The following GNG2 variants were observed in gnomAD, a reference collection of about 807,000 sequenced individuals.
The protein encoded by GNG2 is guanine nucleotide-binding protein G(I)/G(S)/G(O) subunit gamma-2.
GNG2 carries 5 observed loss-of-function variants against 5.5 expected under a neutral mutation model. That is an observed-to-expected ratio of 0.91 (90% CI 0.48 to 1.92). The LOEUF is 1.92. Among genes scored for constraint, GNG2 ranks in the 30% most tolerant of loss-of-function variants. GNG2 has a pLI of 0.01. For synonymous variants in GNG2, 28 were observed against 32.0 expected (o/e 0.88, Z 0.42); for missense variants, 55 against 88.4 (o/e 0.62, Z 1.52).
chr14:51,928,036 T>C (rs1157655802), intron 2 of GNG2, among the ~76,000 whole-genome samples: 1 of 146,884 alleles, frequency 6.8e-6, no homozygotes, highest in Non-Finnish European at 1.5e-5. Context: ...CTTTTTTTTT[T>C]TTTTTTTTTT....
In GNG2 at chr14:51,911,787, G is replaced by T. The variant is rs1886314467; in HGVS notation, c.-30+34130G>T. ...GGTCTCCAAACTCCTAGCCTCCAGT[G>T]ATCTGCCTACTTTGGCCTCCCAAAG... On this transcript the variant is annotated intron_variant, in intron 2 of 3. Transcript: ENST00000556766. Among the ~76,000 whole-genome samples, 2 of 147,144 alleles carry T rather than the reference G, an allele frequency of 1.4e-5. 1 individual carries two copies. The highest frequency in any genetic ancestry group is 5.1e-5 in the African/African-American group (2 of 39,186).
intron 3 of GNG2, among the ~76,000 whole-genome samples, chr14:51,963,259 G>A (rs1889714986): frequency 6.6e-6 from 1 of 152,170 alleles, no homozygotes; most frequent in African/African-American, 2.4e-5. Context: ...ATAAAGATAT[G>A]AGCAGCTCTA....
rs895237959 is a variant in GNG2 at position 51,886,112 on chromosome 14, C to T, written c.-30+8455C>T. On this transcript the variant is annotated intron_variant, in intron 2 of 3. Transcript: ENST00000556766. Reference sequence around the variant, plus strand: ...ATTACAACCAAAAAATGGCTTAAAGCTTCAATCGAAGTGGAATACCATATG... The same window carrying T: ...ATTACAACCAAAAAATGGCTTAAAGTTTCAATCGAAGTGGAATACCATATG... Among the ~76,000 whole-genome samples the T allele has an allele frequency of 1.2e-4, 19 of 152,296 alleles. 1 individual carries two copies. Among genetic ancestry groups the T allele is most frequent in the African/African-American group, 4.6e-4 (19 of 41,566 alleles).
rs374037338 is a variant in GNG2 at position 51,854,985 on chromosome 14, T to A, written c.64+27178T>A. On this transcript the variant is annotated intron_variant, in intron 2 of 3. Coordinates refer to the GNG2 transcript ENST00000553432. ...AATCTCCATCTACTCTTGGCCTCCTTACCCATCCCCTTCCTCTCCTCATCA... is the reference window on the plus strand; with the variant it reads ...AATCTCCATCTACTCTTGGCCTCCTAACCCATCCCCTTCCTCTCCTCATCA... 3.5e-4 allele frequency among the ~76,000 whole-genome samples: 53 copies of A among 152,294 alleles called. 2 individuals are homozygous for A. In the South Asian group the frequency reaches 9.9e-3, roughly 29 times the overall value.
At chr14:51,880,967 G>GAAAAAA (rs11463019) in intron 2 of GNG2, among the ~76,000 whole-genome samples, 4 of 101,974 alleles carry the variant, frequency 3.9e-5, no homozygotes, top group East Asian at 3.1e-4. Flanking sequence ...CAAAAAAAAA[G>GAAAAAA]AAAAAAAAAA....
chr14:51,827,511 T>G (rs1881059752), intron 1 of GNG2, among the ~76,000 whole-genome samples: 1 of 152,218 alleles, frequency 6.6e-6, no homozygotes, highest in Non-Finnish European at 1.5e-5. Context: ...CGGTGATCCC[T>G]CTGAGAACAG....
chr14:51,890,249 C>T (rs1884762464), intron 2 of GNG2, among the ~76,000 whole-genome samples: 2 of 152,210 alleles, frequency 1.3e-5, no homozygotes, highest in African/African-American at 4.8e-5. Flanking sequence ...ATTGTAATAT[C>T]TGGAAATAGA....
intron 2 of GNG2, among the ~76,000 whole-genome samples, chr14:51,837,837 C>A (rs1016673903): frequency 6.6e-6 from 1 of 151,998 alleles, no homozygotes; most frequent in Non-Finnish European, 1.5e-5. Flanking sequence ...GTCCAGAGGG[C>A]AATAATAGTG....
chr14:51,957,843 T>G (rs567142698), intron 3 of GNG2, among the ~76,000 whole-genome samples: 22 of 152,324 alleles, frequency 1.4e-4, no homozygotes, highest in African/African-American at 4.8e-4. Context: ...TCACTCAGTT[T>G]GGGTTTTTCA....
At chr14:51,831,387 C>T (rs1387041913) in intron 2 of GNG2, among the ~76,000 whole-genome samples, 1 of 152,152 alleles carries the variant, frequency 6.6e-6, no homozygotes, top group Admixed American at 6.5e-5. Flanking sequence ...GCATAGTCCC[C>T]AGTACTTAGA....
rs1885134489 is a variant in GNG2, at chr14:51,895,508, G to A, written c.-30+17851G>A. 2.0e-5 allele frequency among the ~76,000 whole-genome samples: 3 copies of A among 152,166 alleles called. No homozygotes were observed. The South Asian group carries it at 6.2e-4, about 32-fold the overall frequency. ...TATAACATTTTCAAACTTCAGTGAG[G>A]AAGAAATCCTAAACATCTGGAAAAA... On this transcript the variant is annotated intron_variant, in intron 2 of 3. Transcript: ENST00000556766.
intron 2 of GNG2, among the ~76,000 whole-genome samples, chr14:51,930,273 TTTC>T (rs1384018147): frequency 6.6e-6 from 1 of 152,224 alleles, no homozygotes; most frequent in Non-Finnish European, 1.5e-5. Flanking sequence ...CCCATCCACA[TTTC>T]TTGGTGAGGA....
rs546234792 is a variant in GNG2 at position 51,913,532 on chromosome 14, T to C, written c.-30+35875T>C. Among the ~76,000 whole-genome samples the C allele has an allele frequency of 1.9e-4, 29 of 152,040 alleles. No homozygotes were observed. In the South Asian group the frequency reaches 4.8e-3, roughly 25 times the overall value. On this transcript the variant is annotated intron_variant, in intron 2 of 3. Transcript: ENST00000556766. ...CTGTCTCTAAAAATAAACAAATAAG[T>C]TTATGGGGGAGAGCGGAAAGAACAG...
At chr14:51,910,704 T>C (rs1886239642) in intron 2 of GNG2, among the ~76,000 whole-genome samples, 1 of 152,196 alleles carries the variant, frequency 6.6e-6, no homozygotes, top group Non-Finnish European at 1.5e-5. Flanking sequence ...GACTTAAAAG[T>C]CTGTGCCCCA....
At chr14:51,841,577 T>C (rs1424787977) in intron 2 of GNG2, 3 of 701,594 alleles carry the variant, frequency 4.3e-6, no homozygotes, top group Non-Finnish European at 7.8e-6. Flanking sequence ...ACCCAGGTAA[T>C]CTGGCTTTGA....
At chr14:51,842,897 C>T (rs139104790) in intron 2 of GNG2, among the ~76,000 whole-genome samples, 10 of 152,106 alleles carry the variant, frequency 6.6e-5, no homozygotes, top group African/African-American at 2.2e-4. Flanking sequence ...ACTCCTGACC[C>T]CAAGTGATCT....
At chr14:51,909,266 C>T (rs1163441611) in intron 2 of GNG2, among the ~76,000 whole-genome samples, 1 of 152,036 alleles carries the variant, frequency 6.6e-6, no homozygotes, top group African/African-American at 2.4e-5. Context: ...AAATATGAAT[C>T]GTGTTTGTGC....
intron 2 of GNG2, among the ~76,000 whole-genome samples, chr14:51,908,281 A>T (rs1886063792): frequency 6.6e-6 from 1 of 152,224 alleles, no homozygotes; most frequent in South Asian, 2.1e-4. Context: ...CCAAGACGGA[A>T]GCCACAGTCT....
At chr14:51,857,853 G>A (rs928972439), upstream of GNG2, among the ~76,000 whole-genome samples, 1 of 152,174 alleles carries the variant, frequency 6.6e-6, no homozygotes, top group African/African-American at 2.4e-5. Context: ...ACAGGCTTTG[G>A]ATGAAGGTAT....
Sources: gnomAD v4.1 joint callset for allele counts (sites outside exome capture counted in the v4.1 genomes callset) on GRCh38, gnomAD v4.1.1 for gene constraint, MANE v1.5 for transcripts, NCBI Gene and HGNC (gene_info 2026-07-23, HGNC 2026-07-21) for gene names.